DNAJC3: variants seen among roughly 807,000 people sequenced by gnomAD.
DNAJC3 encodes the protein dnaJ homolog subfamily C member 3.
DNAJC3 carries 38 observed loss-of-function variants against 68.6 expected under a neutral mutation model. The ratio of observed to expected loss-of-function variants is 0.55; its 90% CI spans 0.43 to 0.73. The LOEUF (loss-of-function observed/expected upper bound fraction) is 0.73, where lower values mean the gene tolerates loss of function less well. Among genes scored for constraint, DNAJC3 ranks in the 30% least tolerant of loss-of-function variants. The pLI, the probability that DNAJC3 is intolerant of heterozygous loss-of-function variation, is 0.00. For synonymous variants in DNAJC3, 203 were observed against 204.0 expected (o/e 1.00, Z 0.04); for missense variants, 526 against 591.9 (o/e 0.89, Z 1.16).
At chr13:95,764,089 C>T (rs983189758) in intron 9 of DNAJC3, 136 bp downstream of exon 9, 3 of 1,351,884 alleles carry the variant, frequency 2.2e-6, no homozygotes, top group Admixed American at 2.6e-5. Context: ...TGGCAGAGAA[C>T]TTGAAAATTA....
chr13:95,739,819 G>A (rs1882063321), intron 4 of DNAJC3, among the ~76,000 whole-genome samples: 1 of 152,222 alleles, frequency 6.6e-6, no homozygotes, highest in Admixed American at 6.5e-5. Context: ...GCTCGTCAAA[G>A]TCATTCTCCA....
intron 1 of DNAJC3, chr13:95,695,751 A>T (rs1880421349): frequency 6.6e-6 from 1 of 152,246 alleles, no homozygotes; most frequent in African/African-American, 2.4e-5. Flanking sequence ...TCTAAACCAG[A>T]AATGGAGAGT....
intron 5 of DNAJC3, among the ~76,000 whole-genome samples, chr13:95,758,630 A>G (rs1882735795): frequency 6.6e-6 from 1 of 152,032 alleles, no homozygotes; most frequent in African/African-American, 2.4e-5. Flanking sequence ...AAAAAAAAAA[A>G]AAAGTTAATA....
Position 95,758,531 on chromosome 13 carries a change from G to A in DNAJC3, c.546+735G>A, listed in dbSNP as rs114564797. 1.1e-3 allele frequency among the ~76,000 whole-genome samples: 169 copies of A among 151,520 alleles called. 1 individual carries two copies. Among genetic ancestry groups the A allele is most frequent in the African/African-American group, 3.6e-3 (148 of 41,314 alleles). ...TGCATGCTTGTGATCCCAGCTACTCGGGAGGCTGAGGCGCTCGAACCTGAG... is the reference window on the plus strand; with the variant it reads ...TGCATGCTTGTGATCCCAGCTACTCAGGAGGCTGAGGCGCTCGAACCTGAG... On this transcript the variant is annotated intron_variant, in intron 5 of 11. Transcript: ENST00000602402.
intron 1 of DNAJC3, chr13:95,692,675 C>CCAAACCTTTA (rs1593955323): frequency 2.0e-5 from 3 of 152,182 alleles, no homozygotes; most frequent in East Asian, 3.9e-4. Flanking sequence ...GGTGCTATTA[C>CCAAACCTTTA]CACCATATTT....
At chr13:95,684,503 G>T (rs1188923634) in intron 1 of DNAJC3, among the ~76,000 whole-genome samples, 1 of 152,144 alleles carries the variant, frequency 6.6e-6, no homozygotes, top group African/African-American at 2.4e-5. Flanking sequence ...CAGAAGAGTT[G>T]GAAAATTTTC....
intron 4 of DNAJC3, among the ~76,000 whole-genome samples, chr13:95,730,723 A>G (rs1881683318): frequency 1.3e-5 from 2 of 152,208 alleles, no homozygotes; most frequent in African/African-American, 4.8e-5. Context: ...GCCTTGTAAT[A>G]TACTTTGAAG....
chr13:95,787,625 C>A (rs1883642141), intron 11 of DNAJC3, among the ~76,000 whole-genome samples: 1 of 151,758 alleles, frequency 6.6e-6, no homozygotes, highest in South Asian at 2.1e-4. Context: ...CACCAGGAAT[C>A]TTGCCCTGAA....
intron 4 of DNAJC3, among the ~76,000 whole-genome samples, chr13:95,749,916 G>A (rs896742043): frequency 4.6e-5 from 7 of 152,140 alleles, no homozygotes; most frequent in Non-Finnish European, 7.4e-5. Context: ...TGGGCGTGGT[G>A]GCCCATGCCT....
intron 4 of DNAJC3, among the ~76,000 whole-genome samples, chr13:95,736,249 G>C (rs1881913418): frequency 6.6e-6 from 1 of 152,310 alleles, no homozygotes; most frequent in South Asian, 2.1e-4. Context: ...TTGAAGTCAA[G>C]TAGTGTGATG....
At chr13:95,691,271 G>T (rs551565273) in intron 1 of DNAJC3, among the ~76,000 whole-genome samples, 16 of 151,558 alleles carry the variant, frequency 1.1e-4, no homozygotes, top group African/African-American at 3.6e-4. Context: ...GGTGGCTGCT[G>T]GGCGGAGGGG....
At chr13:95,699,223 G>C (rs1880526165) in intron 1 of DNAJC3, among the ~76,000 whole-genome samples, 1 of 152,168 alleles carries the variant, frequency 6.6e-6, no homozygotes, top group Non-Finnish European at 1.5e-5. Flanking sequence ...ATTTTGTAGA[G>C]GAAGTGATAT....
Position 95,763,963 on chromosome 13 carries a change from T to C in DNAJC3, c.1075+10T>C. 6.2e-7 allele frequency: 1 copy of C among 1,613,208 alleles called. No homozygotes were observed. Among genetic ancestry groups the C allele is most frequent in the Non-Finnish European group, 8.5e-7 (1 of 1,179,652 alleles). ...GAAATGTATGATGAAGGTAAATCTT[T>C]AAGGATTTGATTTGCAGTACCGAAG... On this transcript the variant is annotated intron_variant, in intron 9 of 11. Transcript: ENST00000602402.
At chr13:95,710,113 T>C (rs1450534001) in intron 2 of DNAJC3, among the ~76,000 whole-genome samples, 1 of 152,212 alleles carries the variant, frequency 6.6e-6, no homozygotes, top group Non-Finnish European at 1.5e-5. Context: ...TTCTTACTCA[T>C]GTCTGTCTGT....
At chr13:95,684,528 G>A (rs536241852) in intron 1 of DNAJC3, among the ~76,000 whole-genome samples, 63 of 152,316 alleles carry the variant, frequency 4.1e-4, no homozygotes, top group Non-Finnish European at 3.7e-4. Context: ...TGACCATGTG[G>A]TAGAAAAGAA....
chr13:95,781,191 C>T (rs1042862175), intron 9 of DNAJC3, among the ~76,000 whole-genome samples: 2 of 152,148 alleles, frequency 1.3e-5, no homozygotes, highest in African/African-American at 2.4e-5. Flanking sequence ...TAGAGGTTTG[C>T]GTGTCCTACA....
intron 1 of DNAJC3, among the ~76,000 whole-genome samples, chr13:95,681,102 T>C (rs1357218874): frequency 2.0e-5 from 3 of 152,216 alleles, no homozygotes; most frequent in South Asian, 2.1e-4. Flanking sequence ...GTTTAAGACA[T>C]GCATTTGTGA....
chr13:95,706,848 T>C (rs1429561668), intron 1 of DNAJC3, among the ~76,000 whole-genome samples: 1 of 152,220 alleles, frequency 6.6e-6, no homozygotes, highest in Non-Finnish European at 1.5e-5. Context: ...AGCTATTGTT[T>C]TAATTCAGCA....
chr13:95,729,588 G>T (rs1347500476), intron 4 of DNAJC3, among the ~76,000 whole-genome samples: 1 of 152,022 alleles, frequency 6.6e-6, no homozygotes, highest in Non-Finnish European at 1.5e-5. Context: ...TCTCCATACT[G>T]TTTTACATAG....
Sources: allele counts gnomAD v4.1 joint callset (sites outside exome capture counted in the v4.1 genomes callset), GRCh38; gene constraint gnomAD v4.1.1; transcripts MANE v1.5; gene names NCBI Gene and HGNC (gene_info 2026-07-23, HGNC 2026-07-21).